CLIC5: variants seen among roughly 807,000 people sequenced by gnomAD.
CLIC5 encodes the protein chloride intracellular channel protein 5.
Under a neutral mutation model 24.7 loss-of-function variants are expected in CLIC5, and 20 were observed. The observed-to-expected ratio is 0.81, with a 90% CI of 0.57 to 1.18. The LOEUF is 1.18. CLIC5 is among the 50% of genes most tolerant of loss of function. The pLI, the probability that CLIC5 is intolerant of heterozygous loss-of-function variation, is 0.00. For synonymous variants in CLIC5, 159 were observed against 135.6 expected, an observed-to-expected ratio of 1.17 and a Z score of -1.20; for missense variants, 341 against 326.1, an observed-to-expected ratio of 1.05 and a Z score of -0.35.
At chr6:46,114,801 C>A in the CLIC5 span, among the ~76,000 whole-genome samples, 31 of 152,282 alleles carry the variant, frequency 2.0e-4, 1 homozygote, top group South Asian at 6.2e-3. Context: ...TTGTATAAAT[C>A]TCTGAGAGGT....
chr6:46,068,558 C>A (rs1017114008), intron 1 of CLIC5, among the ~76,000 whole-genome samples: 1 of 152,114 alleles, frequency 6.6e-6, no homozygotes, highest in Non-Finnish European at 1.5e-5. Flanking sequence ...GTAATCATAG[C>A]ATTTAATGTT....
At chr6:45,969,182 G>A (rs762735320) in intron 1 of CLIC5, among the ~76,000 whole-genome samples, 10 of 152,164 alleles carry the variant, frequency 6.6e-5, no homozygotes, top group Non-Finnish European at 7.3e-5. Context: ...AATGTTTGCC[G>A]AGAGGATGAA....
intron 4 of CLIC5, among the ~76,000 whole-genome samples, chr6:45,925,767 C>T (rs908227908): frequency 6.6e-6 from 1 of 152,278 alleles, no homozygotes; most frequent in Non-Finnish European, 1.5e-5. Flanking sequence ...TAAGCTTTAA[C>T]TCTGTAGAGG....
intron 1 of CLIC5, among the ~76,000 whole-genome samples, chr6:46,052,125 GAAA>G (rs11352899): frequency 6.8e-6 from 1 of 146,942 alleles, no homozygotes. Context: ...AGATTTCCCT[GAAA>G]AAAAAAAAAA....
At chr6:45,928,979 G>A (rs6916183) in intron 4 of CLIC5, among the ~76,000 whole-genome samples, 6,919 of 152,214 alleles carry the variant, frequency 0.045, 217 homozygotes, top group South Asian at 0.089. Flanking sequence ...GGCCAGGCCA[G>A]GAGAACTCAT....
chr6:45,972,998 G>A (rs959937226), intron 1 of CLIC5, among the ~76,000 whole-genome samples: 64 of 152,180 alleles, frequency 4.2e-4, no homozygotes, highest in Non-Finnish European at 5.9e-5. Context: ...TGCAGAGGAG[G>A]AGCCTGCTTG....
chr6:45,924,819 C>T (rs904231918), intron 4 of CLIC5, among the ~76,000 whole-genome samples: 1 of 152,068 alleles, frequency 6.6e-6, no homozygotes, highest in Non-Finnish European at 1.5e-5. Context: ...TACTCATCTT[C>T]CTAGATTCCC....
intron 1 of CLIC5, among the ~76,000 whole-genome samples, chr6:45,956,591 C>G (rs561154830): frequency 1.6e-4 from 25 of 152,146 alleles, no homozygotes; most frequent in South Asian, 1.0e-3. Flanking sequence ...GCAGCGATGC[C>G]TTCTTTCATA....
At chr6:45,988,237 C>T (rs1454973195) in intron 1 of CLIC5, among the ~76,000 whole-genome samples, 1 of 152,132 alleles carries the variant, frequency 6.6e-6, no homozygotes. Flanking sequence ...TGATGGGTCC[C>T]AAGCAAGTCC....
At chr6:45,950,398 CAA>C (rs34422403) in intron 2 of CLIC5, among the ~76,000 whole-genome samples, 1 of 122,354 alleles carries the variant, frequency 8.2e-6, no homozygotes. Context: ...CCCATCTTTA[CAA>C]AAAAAAAAAA....
the CLIC5 span, among the ~76,000 whole-genome samples, chr6:46,105,843 A>G: frequency 2.0e-5 from 3 of 152,154 alleles, no homozygotes; most frequent in East Asian, 5.8e-4. Context: ...ACAGTTTGGG[A>G]AGTTCTGACA....
intron 1 of CLIC5, among the ~76,000 whole-genome samples, chr6:46,046,468 G>T (rs920887465): frequency 1.3e-5 from 2 of 152,140 alleles, no homozygotes; most frequent in African/African-American, 4.8e-5. Context: ...ATGGTCAAAA[G>T]TCTCTTTAAC....
chr6:45,896,422 C>T (rs1156917032), downstream of CLIC5, among the ~76,000 whole-genome samples: 1 of 151,148 alleles, frequency 6.6e-6, no homozygotes, highest in African/African-American at 2.4e-5. Context: ...AAACTGAGGC[C>T]CAGAAAGGAG....
At chr6:46,129,711 G>A in the CLIC5 span, 2 of 151,548 alleles carry the variant, frequency 1.3e-5, no homozygotes, top group South Asian at 4.2e-4. Flanking sequence ...CATCGGCTTG[G>A]CAATTGCCTG....
the CLIC5 span, among the ~76,000 whole-genome samples, chr6:46,117,916 G>T: frequency 6.6e-6 from 1 of 152,076 alleles, no homozygotes; most frequent in Non-Finnish European, 1.5e-5. Context: ...TTAACAAAGG[G>T]TGTATTCTGG....
At chr6:46,099,687 G>C in the CLIC5 span, among the ~76,000 whole-genome samples, 1 of 152,256 alleles carries the variant, frequency 6.6e-6, no homozygotes, top group East Asian at 1.9e-4. Flanking sequence ...TAGGAATCTA[G>C]TTCTGTAGTA....
intron 6 of CLIC5, among the ~76,000 whole-genome samples, chr6:45,890,405 G>A (rs1352123100): frequency 6.6e-6 from 1 of 152,150 alleles, no homozygotes; most frequent in East Asian, 1.9e-4. Flanking sequence ...TTAACAAAAA[G>A]ATGAAAGATA....
intron 4 of CLIC5, among the ~76,000 whole-genome samples, chr6:45,922,654 C>A (rs1763309136): frequency 6.6e-6 from 1 of 152,262 alleles, no homozygotes; most frequent in East Asian, 1.9e-4. Context: ...GGTAGGGACT[C>A]CAGATCCAAA....
chr6:45,929,122 C>A (rs770715245), intron 4 of CLIC5, among the ~76,000 whole-genome samples: 7 of 152,086 alleles, frequency 4.6e-5, no homozygotes, highest in Non-Finnish European at 1.0e-4. Context: ...GCTCTCCCCA[C>A]CCCCTTCTCC....
Sources: allele counts gnomAD v4.1 joint callset (sites outside exome capture counted in the v4.1 genomes callset), GRCh38; gene constraint gnomAD v4.1.1; transcripts MANE v1.5; gene names NCBI Gene and HGNC (gene_info 2026-07-23, HGNC 2026-07-21).